CRTAC1: variants seen among roughly 807,000 people sequenced by gnomAD.
CRTAC1 encodes acidic secreted protein in cartilage.
CRTAC1 carries 37 observed loss-of-function variants against 67.8 expected under a neutral mutation model. The ratio of observed to expected loss-of-function variants is 0.55; its 90% CI spans 0.42 to 0.72. The LOEUF is 0.72. Among genes scored for constraint, CRTAC1 ranks in the 30% least tolerant of loss-of-function variants. CRTAC1 has a pLI of 0.00. For synonymous variants in CRTAC1, 348 were observed against 371.0 expected, an observed-to-expected ratio of 0.94 and a Z score of 0.71; for missense variants, 780 against 931.6, an observed-to-expected ratio of 0.84 and a Z score of 2.12.
At chr10:97,870,783 GT>G (rs950033052) in intron 14 of CRTAC1, 9 of 152,120 alleles carry the variant, frequency 5.9e-5, no homozygotes, top group African/African-American at 2.2e-4. Context: ...TCTGCTGTGG[GT>G]GGGCCCTCTA....
At chr10:97,982,485 T>C (rs2051907218) in intron 2 of CRTAC1, among the ~76,000 whole-genome samples, 1 of 152,186 alleles carries the variant, frequency 6.6e-6, no homozygotes, top group Non-Finnish European at 1.5e-5. Context: ...ATCATCAAGC[T>C]CAAAAATGCT....
At chr10:97,916,953 C>G (rs868456426) in intron 5 of CRTAC1, among the ~76,000 whole-genome samples, 2 of 148,220 alleles carry the variant, frequency 1.3e-5, no homozygotes, top group Non-Finnish European at 1.5e-5. Flanking sequence ...GGAGAGCGTG[C>G]CTTCAAAAAA....
intron 1 of CRTAC1, among the ~76,000 whole-genome samples, chr10:98,016,986 A>G (rs1291666098): frequency 6.6e-6 from 1 of 152,224 alleles, no homozygotes; most frequent in Non-Finnish European, 1.5e-5. Context: ...TGGCTGACTC[A>G]GGGAGCCTCT....
intron 2 of CRTAC1, among the ~76,000 whole-genome samples, chr10:97,943,308 T>C (rs1373582049): frequency 6.6e-6 from 1 of 151,964 alleles, no homozygotes. Flanking sequence ...TAAGTAAACA[T>C]AGATACAGAG....
At chr10:98,013,329 A>G (rs1842942498) in intron 1 of CRTAC1, among the ~76,000 whole-genome samples, 1 of 152,266 alleles carries the variant, frequency 6.6e-6, no homozygotes, top group Admixed American at 6.5e-5. Flanking sequence ...CACGGCCACC[A>G]GGGAGGCTGG....
At position 98,029,974 on chromosome 10, in the gene CRTAC1, C is replaced by T. The variant is rs1442882906; in HGVS notation, c.24+475G>A. ...TCCCAGGGGAGGAAGAGCCAGCCCG[C>T]GGGGCTCTTCCCCAGCCTGGAAGCG... On this transcript the variant is annotated intron_variant, in intron 1 of 14. Coordinates refer to ENST00000370597, the MANE Select transcript of CRTAC1 (RefSeq NM_018058.7). This position sits in a 1 kb window ranked among gnomAD's most constrained non-coding sequence, Gnocchi z 4.7. 2.4e-4 allele frequency among the ~76,000 whole-genome samples: 36 copies of T among 152,100 alleles called. No individual in the cohort carries two copies. Among genetic ancestry groups the T allele is most frequent in the Admixed American group, 2.4e-3 (36 of 15,282 alleles).
chr10:97,948,949 C>T lies in CRTAC1; in HGVS notation c.225-12583G>A, dbSNP rs148555523. Reference sequence around the variant, plus strand: ...CTATCAGATCTCGTGAGAACTCACTCGCTATCATAAAGACAGCATGGGGGT... The same window carrying T: ...CTATCAGATCTCGTGAGAACTCACTTGCTATCATAAAGACAGCATGGGGGT... On this transcript the variant is annotated intron_variant, in intron 2 of 14. Transcript: ENST00000370597. Among the ~76,000 whole-genome samples the T allele has an allele frequency of 7.1e-3, 1,088 of 152,204 alleles. 20 individuals are homozygous for T. The highest frequency in any genetic ancestry group is 0.023 in the African/African-American group (954 of 41,522).
At chr10:97,871,784 G>C (rs974059792) in intron 14 of CRTAC1, among the ~76,000 whole-genome samples, 2 of 152,292 alleles carry the variant, frequency 1.3e-5, no homozygotes, top group African/African-American at 4.8e-5. Context: ...GTTCTACCTG[G>C]ATTGACTCAT....
intron 2 of CRTAC1, among the ~76,000 whole-genome samples, chr10:97,987,124 T>C (rs2051995460): frequency 6.6e-6 from 1 of 152,198 alleles, no homozygotes; most frequent in Admixed American, 6.5e-5. Context: ...AAAAAATATC[T>C]GAAACACATG....
intron 1 of CRTAC1, among the ~76,000 whole-genome samples, chr10:98,013,073 G>GT (rs1166976497): frequency 1.3e-5 from 2 of 152,198 alleles, no homozygotes; most frequent in East Asian, 3.8e-4. Flanking sequence ...TTAATAACCA[G>GT]TGTCGACATG....
intron 2 of CRTAC1, among the ~76,000 whole-genome samples, chr10:97,994,955 C>T (rs191846903): frequency 2.6e-5 from 4 of 152,356 alleles, no homozygotes; most frequent in Non-Finnish European, 4.4e-5. Flanking sequence ...GGAGAATCCC[C>T]TTCCACTGCC....
intron 2 of CRTAC1, among the ~76,000 whole-genome samples, chr10:97,968,244 T>C (rs2051650112): frequency 6.6e-6 from 1 of 152,082 alleles, no homozygotes; most frequent in African/African-American, 2.4e-5. Flanking sequence ...AGCAATTCTT[T>C]TTGTTTTTGT....
At chr10:97,936,047 G>A (rs1035946748) in intron 3 of CRTAC1, 123 bp downstream of exon 3, 13 of 863,394 alleles carry the variant, frequency 1.5e-5, no homozygotes, top group Non-Finnish European at 2.3e-5. Flanking sequence ...GCAGCAGGGG[G>A]CAGTGCCTAG....
chr10:97,935,714 G>A (rs72842528), intron 3 of CRTAC1, among the ~76,000 whole-genome samples: 2,096 of 152,306 alleles, frequency 0.014, 22 homozygotes, highest in Middle Eastern at 0.041. Context: ...GAGTAGTGGG[G>A]GGCTCCTGAA....
intron 14 of CRTAC1, among the ~76,000 whole-genome samples, chr10:97,873,794 G>A (rs976633185): frequency 1.3e-5 from 2 of 152,196 alleles, no homozygotes; most frequent in African/African-American, 4.8e-5. Flanking sequence ...GGGACGTTCT[G>A]GGAACGGGTG....
chr10:98,000,156 T>C (rs1479485326), intron 2 of CRTAC1, among the ~76,000 whole-genome samples: 1 of 152,190 alleles, frequency 6.6e-6, no homozygotes, highest in Non-Finnish European at 1.5e-5. Flanking sequence ...GGACAAGAAC[T>C]TGGGACCTGG....
chr10:97,922,351 A>T (rs922440732), intron 4 of CRTAC1, among the ~76,000 whole-genome samples: 1 of 152,210 alleles, frequency 6.6e-6, no homozygotes, highest in Non-Finnish European at 1.5e-5. Context: ...CCCCTGCTGT[A>T]AAGATTCACA....
intron 2 of CRTAC1, among the ~76,000 whole-genome samples, chr10:97,938,613 C>A (rs572339820): frequency 4.6e-5 from 7 of 152,178 alleles, no homozygotes; most frequent in African/African-American, 1.7e-4. Context: ...CATTTTTCCC[C>A]CTGGCTGCCT....
chr10:97,968,986 A>AGCT (rs1241250412), intron 2 of CRTAC1, among the ~76,000 whole-genome samples: 1 of 152,164 alleles, frequency 6.6e-6, no homozygotes, highest in Admixed American at 6.5e-5. Flanking sequence ...TCACATTTGG[A>AGCT]GCTCTGCTGG....
Sources: gnomAD v4.1 joint callset for allele counts (sites outside exome capture counted in the v4.1 genomes callset) on GRCh38, gnomAD v4.1.1 for gene constraint, Gnocchi (gnomAD v3.1) non-coding constraint, MANE v1.5 for transcripts, NCBI Gene and HGNC (gene_info 2026-07-23, HGNC 2026-07-21) for gene names.